UPP2: variants seen among roughly 807,000 people sequenced by gnomAD.
UPP2 encodes the protein uridine phosphorylase 2.
Under a neutral mutation model 26.7 loss-of-function variants are expected in UPP2, and 23 were observed. That is an observed-to-expected ratio of 0.86 (90% confidence interval 0.62 to 1.22). The LOEUF (loss-of-function observed/expected upper bound fraction) is 1.22. Ranked by LOEUF, UPP2 falls within the 50% of genes most tolerant of loss-of-function variation. The pLI, the probability that UPP2 is intolerant of heterozygous loss-of-function variation, is 0.00. For synonymous variants in UPP2, 127 were observed against 141.3 expected (o/e 0.90, Z 0.72); for missense variants, 387 against 396.7 (o/e 0.98, Z 0.21).
At chr2:158,103,246 A>T (rs570775328) in intron 1 of UPP2, among the ~76,000 whole-genome samples, 140 of 152,282 alleles carry the variant, frequency 9.2e-4, no homozygotes, top group African/African-American at 3.2e-3. Context: ...AGTCCCCCAA[A>T]TTTTCTGACG....
At chr2:158,011,317 A>C (rs1187347699) in intron 2 of UPP2, among the ~76,000 whole-genome samples, 16 of 152,188 alleles carry the variant, frequency 1.1e-4, no homozygotes, top group Non-Finnish European at 2.2e-4. Flanking sequence ...CAGGGTTCTG[A>C]ATGCCAGCAG....
rs539462160 is a variant in UPP2 at position 158,123,384 on chromosome 2, G to C, written c.665-365G>C. Among the ~76,000 whole-genome samples the C allele has an allele frequency of 2.0e-5, 3 of 152,160 alleles. No individual in the cohort carries two copies. The South Asian group carries it at 6.2e-4, about 32-fold the overall frequency. ...TTTTTCTCCCAGCACCCATCCCTGG[G>C]CCATTCCCCAGTCATTGGAGCAACC... is the stretch of plus-strand genomic sequence containing the variant. On this transcript the variant is annotated intron_variant, in intron 5 of 6. Coordinates refer to ENST00000005756, the MANE Select transcript of UPP2 (RefSeq NM_173355.4).
chr2:158,121,678 C>T, intron 5 of UPP2, 60 bp downstream of exon 5: 1 of 1,439,030 alleles, frequency 6.9e-7, no homozygotes, highest in Non-Finnish European at 9.7e-7. Flanking sequence ...CTTTGTTATT[C>T]AAACCCATAA....
intron 2 of UPP2, among the ~76,000 whole-genome samples, chr2:158,010,767 T>C (rs974631150): frequency 3.2e-4 from 37 of 115,196 alleles, no homozygotes; most frequent in African/African-American, 1.3e-3. Context: ...CTTTTTCTTT[T>C]TTTTTTTTTT....
intron 3 of UPP2, among the ~76,000 whole-genome samples, chr2:158,046,601 T>C (rs1356622054): frequency 2.0e-5 from 3 of 152,232 alleles, no homozygotes; most frequent in Non-Finnish European, 4.4e-5. Context: ...AGTTTGCCTA[T>C]GGTTAACGTT....
chr2:158,135,483 A>G lies in UPP2; in HGVS notation c.*593A>G, dbSNP rs1574316964. The G allele has an allele frequency of 1.3e-5, 2 of 152,228 alleles. No individual in the cohort carries two copies. The highest frequency in any genetic ancestry group is 3.8e-4 in the East Asian group (2 of 5,202). 9.4% of individuals were successfully genotyped at this position (152,228 alleles called of 1,614,324 possible). ...GTTTGTGATTTTATCTCAGAATATA[A>G]CAACTCTGGATTACATTTTCCTCTC... is the stretch of plus-strand genomic sequence containing the variant. On this transcript the variant is annotated 3_prime_UTR_variant, in exon 7 of 7. Transcript: ENST00000005756.
chr2:157,995,887 T>TA (rs1276578768), intron 2 of UPP2, among the ~76,000 whole-genome samples: 3 of 152,130 alleles, frequency 2.0e-5, no homozygotes, highest in Non-Finnish European at 4.4e-5. Context: ...TCCATTGTTG[T>TA]AAAAAAATCT....
At chr2:158,038,058 G>A (rs1021419233) in intron 3 of UPP2, among the ~76,000 whole-genome samples, 1 of 152,194 alleles carries the variant, frequency 6.6e-6, no homozygotes, top group African/African-American at 2.4e-5. Context: ...TTTCTGCTCT[G>A]ATTAGAATGT....
intron 2 of UPP2, among the ~76,000 whole-genome samples, chr2:158,008,609 G>GT (rs1441808345): frequency 6.6e-6 from 1 of 152,150 alleles, no homozygotes; most frequent in Non-Finnish European, 1.5e-5. Flanking sequence ...CTTTCCTACT[G>GT]TAAGATTAGC....
chr2:158,123,530 A>G (rs1184824898), intron 5 of UPP2, among the ~76,000 whole-genome samples: 2 of 152,202 alleles, frequency 1.3e-5, no homozygotes, highest in Admixed American at 6.5e-5. Flanking sequence ...GTCCTCGGCC[A>G]TGAAGGCTCC....
chr2:158,132,574 A>C (rs1257506339), intron 6 of UPP2, among the ~76,000 whole-genome samples: 1 of 152,242 alleles, frequency 6.6e-6, no homozygotes, highest in Non-Finnish European at 1.5e-5. Flanking sequence ...AACAAAAAAG[A>C]TACATGGATT....
intron 3 of UPP2, among the ~76,000 whole-genome samples, chr2:158,016,050 C>T (rs1278268983): frequency 6.6e-6 from 1 of 151,730 alleles, no homozygotes. Context: ...TTTTCCATGG[C>T]AGTAGCCCCA....
At chr2:158,082,996 C>T (rs1159672409) in intron 3 of UPP2, among the ~76,000 whole-genome samples, 1 of 152,146 alleles carries the variant, frequency 6.6e-6, no homozygotes, top group Non-Finnish European at 1.5e-5. Flanking sequence ...CAAATCAAAA[C>T]TACAATGAGA....
chr2:158,015,432 C>T (rs1683642554), intron 2 of UPP2, among the ~76,000 whole-genome samples: 1 of 152,154 alleles, frequency 6.6e-6, no homozygotes, highest in Admixed American at 6.5e-5. Flanking sequence ...CTTTTTTAGG[C>T]TGAATAATAA....
chr2:158,102,214 G>T, intron 1 of UPP2, 89 bp downstream of exon 1: 4 of 1,379,692 alleles, frequency 2.9e-6, no homozygotes, highest in Non-Finnish European at 3.9e-6. Context: ...GGCCTCTACA[G>T]TTAAGCAAAT....
intron 6 of UPP2, among the ~76,000 whole-genome samples, 195 bp from the exon 7 acceptor site, chr2:158,134,553 T>C (rs1467415315): frequency 6.6e-6 from 1 of 152,228 alleles, no homozygotes; most frequent in Non-Finnish European, 1.5e-5. Context: ...AGTTAACTTA[T>C]TTAAATGAAG....
Position 158,023,381 on chromosome 2 carries a change from G to T in UPP2, c.147+7495G>T, listed in dbSNP as rs1415507330. ...TAATTAATTGCTACAAACAGCAAAG[G>T]CTTAATGCTAAGCTTGGAATCTGGA... is the stretch of plus-strand genomic sequence containing the variant. On this transcript the variant is annotated intron_variant, in intron 3 of 9. Transcript: ENST00000605860. Among the ~76,000 whole-genome samples the T allele has an allele frequency of 2.6e-5, 4 of 152,302 alleles. No individual in the cohort carries two copies. In the South Asian group the frequency reaches 8.3e-4, roughly 32 times the overall value.
At chr2:158,078,753 T>G (rs1396419252) in intron 3 of UPP2, among the ~76,000 whole-genome samples, 1 of 152,104 alleles carries the variant, frequency 6.6e-6, no homozygotes, top group Non-Finnish European at 1.5e-5. Flanking sequence ...TCATAATGAC[T>G]GCACATTTTA....
Position 158,078,509 on chromosome 2 carries a change from T to C in UPP2, c.148-23531T>C, listed in dbSNP as rs181692113. ...ATGGATGGAACTGGCAATCATTACA[T>C]TGAGTGAAATAAGCCAGGCACAGAA... On this transcript the variant is annotated intron_variant, in intron 3 of 9. Transcript: ENST00000605860. Among the ~76,000 whole-genome samples the C allele has an allele frequency of 1.1e-4, 16 of 152,246 alleles. No homozygotes were observed. In the East Asian group the frequency reaches 2.3e-3, roughly 22 times the overall value.
Sources: gnomAD v4.1 joint callset for allele counts (sites outside exome capture counted in the v4.1 genomes callset) on GRCh38, gnomAD v4.1.1 for gene constraint, MANE v1.5 for transcripts, NCBI Gene and HGNC (gene_info 2026-07-23, HGNC 2026-07-21) for gene names.